The following EML6 variants were observed in gnomAD, a reference collection of about 807,000 sequenced individuals.
The protein encoded by EML6 is EMAP like 6.
Under a neutral mutation model 240.1 loss-of-function variants are expected in EML6, and 154 were observed. That is an observed-to-expected ratio of 0.64 (90% CI 0.56 to 0.73). The LOEUF is 0.73. EML6 is among the 30% of genes least tolerant of loss of function. The probability of loss-of-function intolerance (pLI) is 0.00; values close to 1 mark genes in which losing one functional copy is unlikely to be tolerated. For missense variants in EML6, 2,964 were observed against 2,474.6 expected, an observed-to-expected ratio of 1.20 and a Z score of -4.20; for synonymous variants, 1,148 against 899.0, an observed-to-expected ratio of 1.28 and a Z score of -4.95.
rs113802291 is a variant in EML6, at chr2:54,833,884, C to T, written c.847+4407C>T. Among the ~76,000 whole-genome samples, 1,414 of 152,270 alleles carry T rather than the reference C, an allele frequency of 9.3e-3. 22 individuals are homozygous for T. The highest frequency in any genetic ancestry group is 0.032 in the African/African-American group (1,324 of 41,542). ...GAATACCAGAAGATTTTCTAAATAA[C>T]TAATTCGGCAGCAAAACTTGACCTG... On this transcript the variant is annotated intron_variant, in intron 7 of 41. Transcript: ENST00000356458.
Position 54,829,450 on chromosome 2 carries a change from C to A in EML6, c.820C>A (p.Leu274Ile). The change falls in exon 7 of 42, where the codon CTC (leucine) becomes ATC (isoleucine). Residue 274 changes from leucine (L) to isoleucine (I), a missense_variant. Coordinates refer to ENST00000356458, the MANE Select transcript of EML6 (RefSeq NM_001039753.4). The part of the protein sequence containing the change: ...TDFKPITKID[L>I]RETEQGYKGL... ...TTTCAAACCAATAACCAAAATTGAT[C>A]TCAGGGAGACAGAACAAGGATACAA... 6.4e-7 allele frequency: 1 copy of A among 1,551,646 alleles called. No homozygotes were observed. The highest frequency in any genetic ancestry group is 1.4e-5 in the African/African-American group (1 of 73,120).
chr2:54,787,013 G>A (rs1454080534), intron 2 of EML6, among the ~76,000 whole-genome samples: 1 of 152,160 alleles, frequency 6.6e-6, no homozygotes, highest in African/African-American at 2.4e-5. Context: ...GGCAGGGAGA[G>A]GTTAGAACAT....
chr2:54,950,061 T>C (rs984249614), intron 29 of EML6, among the ~76,000 whole-genome samples: 4 of 152,216 alleles, frequency 2.6e-5, no homozygotes, highest in Non-Finnish European at 5.9e-5. Flanking sequence ...GATTAAGAAC[T>C]GATCTGAATC....
At chr2:54,769,785 A>G (rs1394688008) in intron 2 of EML6, among the ~76,000 whole-genome samples, 1 of 152,188 alleles carries the variant, frequency 6.6e-6, no homozygotes, top group Non-Finnish European at 1.5e-5. Context: ...TGTGTGATAC[A>G]GTGTTGTTAA....
intron 2 of EML6, among the ~76,000 whole-genome samples, chr2:54,730,029 C>T (rs898801335): frequency 4.5e-4 from 68 of 152,002 alleles, no homozygotes; most frequent in Admixed American, 3.6e-3. Flanking sequence ...CCTGATATTC[C>T]GGGACCTAGG....
chr2:54,893,339 G>GT (rs2104116940), intron 19 of EML6, among the ~76,000 whole-genome samples: 1 of 152,270 alleles, frequency 6.6e-6, no homozygotes, highest in Admixed American at 6.5e-5. Flanking sequence ...AAGTCCAAGA[G>GT]TAAGGGGCTG....
At chr2:54,931,801 A>G (rs1187195009) in intron 28 of EML6, among the ~76,000 whole-genome samples, 2 of 152,182 alleles carry the variant, frequency 1.3e-5, no homozygotes, top group Non-Finnish European at 2.9e-5. Flanking sequence ...TCACTTAGCA[A>G]TGTTTCAGGC....
chr2:54,817,814 A>G (rs895221959), intron 4 of EML6, among the ~76,000 whole-genome samples: 1 of 152,114 alleles, frequency 6.6e-6, no homozygotes, highest in Non-Finnish European at 1.5e-5. Flanking sequence ...TTAAAAAAAA[A>G]AAAGTATGAA....
At chr2:54,890,370 T>C (rs916350137) in intron 17 of EML6, among the ~76,000 whole-genome samples, 5 of 152,198 alleles carry the variant, frequency 3.3e-5, no homozygotes, top group Non-Finnish European at 7.4e-5. Flanking sequence ...TGTCCTAATA[T>C]ATCAAAGACC....
chr2:54,790,881 G>T (rs929847843), intron 2 of EML6, among the ~76,000 whole-genome samples: 1 of 151,572 alleles, frequency 6.6e-6, no homozygotes, highest in Non-Finnish European at 1.5e-5. Context: ...GCCTGCCACC[G>T]CGCCCAGCTA....
rs115957162 is a variant in EML6 at position 54,746,352 on chromosome 2, G to C, written c.197+21094G>C. 3.4e-3 allele frequency among the ~76,000 whole-genome samples: 519 copies of C among 152,272 alleles called. 1 individual carries two copies. Among genetic ancestry groups the C allele is most frequent in the Middle Eastern group, 0.01 (3 of 294 alleles). Reference sequence around the variant, plus strand: ...TTTTCTCAAAATGATCCTTAATCAAGAGGACATATCTGCTTTGATGGAGCA... The same window carrying C: ...TTTTCTCAAAATGATCCTTAATCAACAGGACATATCTGCTTTGATGGAGCA... On this transcript the variant is annotated intron_variant, in intron 2 of 41. Transcript: ENST00000356458.
At chr2:54,799,266 G>A (rs193140951) in intron 2 of EML6, among the ~76,000 whole-genome samples, 27 of 151,828 alleles carry the variant, frequency 1.8e-4, no homozygotes. Context: ...TTACAATGTT[G>A]GCCAGGCTGG....
At chr2:54,873,003 C>G (rs1042967609) in intron 16 of EML6, among the ~76,000 whole-genome samples, 38 of 152,176 alleles carry the variant, frequency 2.5e-4, no homozygotes, top group African/African-American at 8.7e-4. Context: ...GCCCATCTGT[C>G]TGGTCCCCAC....
intron 3 of EML6, among the ~76,000 whole-genome samples, chr2:54,814,051 A>G (rs1044431039): frequency 2.0e-5 from 3 of 152,242 alleles, no homozygotes; most frequent in Non-Finnish European, 4.4e-5. Flanking sequence ...CATTTCATCA[A>G]CTGAAAACGG....
intron 11 of EML6, among the ~76,000 whole-genome samples, chr2:54,854,585 G>A (rs1670270134): frequency 6.6e-6 from 1 of 152,224 alleles, no homozygotes. Context: ...ACAGGGACAT[G>A]CTACTGCCTG....
intron 26 of EML6, among the ~76,000 whole-genome samples, chr2:54,925,395 A>G (rs933026013): frequency 2.0e-5 from 3 of 152,156 alleles, no homozygotes; most frequent in South Asian, 2.1e-4. Flanking sequence ...GTCCCATGCC[A>G]TTGCTATATT....
intron 31 of EML6, among the ~76,000 whole-genome samples, chr2:54,953,180 G>A (rs1052381949): frequency 1.3e-5 from 2 of 152,098 alleles, no homozygotes; most frequent in South Asian, 4.1e-4. Flanking sequence ...CCATTTTTAA[G>A]TTTAATTTGG....
intron 24 of EML6, among the ~76,000 whole-genome samples, chr2:54,905,647 T>G (rs1272239839): frequency 6.6e-6 from 1 of 152,190 alleles, no homozygotes; most frequent in African/African-American, 2.4e-5. Flanking sequence ...CTCAGAATTC[T>G]TTTCATCTTG....
intron 2 of EML6, among the ~76,000 whole-genome samples, chr2:54,802,892 C>G (rs773222278): frequency 2.0e-5 from 3 of 152,098 alleles, no homozygotes; most frequent in Non-Finnish European, 4.4e-5. Flanking sequence ...TAGTCACTTA[C>G]ACCAAGTTCT....
Sources: allele counts gnomAD v4.1 joint callset (sites outside exome capture counted in the v4.1 genomes callset), GRCh38; gene constraint gnomAD v4.1.1; transcripts MANE v1.5; gene names NCBI Gene and HGNC (gene_info 2026-07-23, HGNC 2026-07-21).